ZFAND3: variants seen among roughly 807,000 people sequenced by gnomAD.
ZFAND3 encodes the protein zinc finger AN1-type containing 3.
ZFAND3 carries 10 observed loss-of-function variants against 29.6 expected under a neutral mutation model. The ratio of observed to expected loss-of-function variants is 0.34; its 90% CI spans 0.21 to 0.57. ZFAND3 has a LOEUF of 0.57. Among genes scored for constraint, ZFAND3 ranks in the 20% least tolerant of loss-of-function variants. The pLI is 0.86. For synonymous variants in ZFAND3, 128 were observed against 112.6 expected, an observed-to-expected ratio of 1.14 and a Z score of -0.87; for missense variants, 230 against 304.5, an observed-to-expected ratio of 0.76 and a Z score of 1.82.
chr6:37,826,823 T>G (rs1763769362), intron 1 of ZFAND3, among the ~76,000 whole-genome samples: 2 of 152,176 alleles, frequency 1.3e-5, no homozygotes, highest in Admixed American at 6.5e-5. Context: ...CCCAGTATGG[T>G]GGCCATTAGC....
chr6:37,923,924 T>C (rs1024078338), intron 1 of ZFAND3, among the ~76,000 whole-genome samples: 1 of 152,202 alleles, frequency 6.6e-6, no homozygotes. Context: ...TATAGATATC[T>C]ATCTAAAAAA....
At chr6:37,837,517 T>G (rs1458088423) in intron 1 of ZFAND3, among the ~76,000 whole-genome samples, 1 of 151,962 alleles carries the variant, frequency 6.6e-6, no homozygotes, top group Non-Finnish European at 1.5e-5. Flanking sequence ...TTTTTTTTTT[T>G]TTTTGAGATA....
chr6:38,062,081 G>A (rs768696685), intron 3 of ZFAND3, among the ~76,000 whole-genome samples: 18 of 152,244 alleles, frequency 1.2e-4, no homozygotes, highest in Admixed American at 1.0e-3. Flanking sequence ...CCATTCCCTC[G>A]TTCTCATTTA....
At chr6:38,012,085 A>G (rs755154275) in intron 2 of ZFAND3, among the ~76,000 whole-genome samples, 8 of 152,300 alleles carry the variant, frequency 5.3e-5, no homozygotes, top group East Asian at 1.9e-4. Flanking sequence ...GTTATGTTAA[A>G]TGGTGGGGAT....
At chr6:37,841,513 TGGCTCTGTTGCCCAG>T (rs780443977) in intron 1 of ZFAND3, among the ~76,000 whole-genome samples, 10 of 152,238 alleles carry the variant, frequency 6.6e-5, no homozygotes, top group Non-Finnish European at 1.3e-4. Context: ...AGATGGAGCC[TGGCTCTGTTGCCCAG>T]GCTGGAGTGC....
At chr6:37,951,903 G>A (rs377160168) in intron 2 of ZFAND3, among the ~76,000 whole-genome samples, 7 of 152,174 alleles carry the variant, frequency 4.6e-5, no homozygotes, top group African/African-American at 1.4e-4. Flanking sequence ...AACACGAAGC[G>A]ATGTTGACTT....
At chr6:38,039,209 T>C (rs530939918) in intron 2 of ZFAND3, among the ~76,000 whole-genome samples, 2 of 152,318 alleles carry the variant, frequency 1.3e-5, no homozygotes, top group South Asian at 4.1e-4. Context: ...CCTCTTAAAA[T>C]CTGCTTCCTT....
At chr6:37,980,462 A>G (rs1000764415) in intron 2 of ZFAND3, among the ~76,000 whole-genome samples, 2 of 152,164 alleles carry the variant, frequency 1.3e-5, no homozygotes, top group South Asian at 2.1e-4. Flanking sequence ...CCTGGTAACC[A>G]TCAACTCATT....
intron 1 of ZFAND3, among the ~76,000 whole-genome samples, chr6:37,881,952 GC>G (rs1338205792): frequency 6.6e-6 from 1 of 152,132 alleles, no homozygotes; most frequent in African/African-American, 2.4e-5. Flanking sequence ...GGTCAGTGGT[GC>G]AGAGCTCAGC....
intron 2 of ZFAND3, among the ~76,000 whole-genome samples, chr6:38,020,336 A>G (rs769516331): frequency 5.3e-4 from 81 of 152,346 alleles, no homozygotes; most frequent in Non-Finnish European, 9.4e-4. Context: ...CATCATAGTG[A>G]TCGGAAAGAT....
chr6:37,999,402 T>C (rs1561961302), intron 2 of ZFAND3, among the ~76,000 whole-genome samples: 1 of 152,182 alleles, frequency 6.6e-6, no homozygotes, highest in Non-Finnish European at 1.5e-5. Flanking sequence ...TCTCTGTTCC[T>C]TAAGTGTGGG....
At chr6:38,126,382 C>A (rs1259794809) in intron 5 of ZFAND3, among the ~76,000 whole-genome samples, 1 of 152,198 alleles carries the variant, frequency 6.6e-6, no homozygotes, top group Non-Finnish European at 1.5e-5. Flanking sequence ...CTTGTGTGGA[C>A]ATGTGTTTTA....
chr6:38,148,670 A>G (rs1401097186), intron 5 of ZFAND3, among the ~76,000 whole-genome samples: 2 of 152,146 alleles, frequency 1.3e-5, no homozygotes, highest in African/African-American at 2.4e-5. Flanking sequence ...GTTTCTGGAA[A>G]CAGATCTGTG....
chr6:37,918,938 A>G (rs1028264392), intron 1 of ZFAND3, among the ~76,000 whole-genome samples: 2 of 141,492 alleles, frequency 1.4e-5, no homozygotes, highest in African/African-American at 2.7e-5. Flanking sequence ...TGTTTTCAAA[A>G]CATGAAAAAT....
chr6:37,906,328 C>G (rs1487481134), intron 1 of ZFAND3, among the ~76,000 whole-genome samples: 2 of 152,066 alleles, frequency 1.3e-5, no homozygotes, highest in Non-Finnish European at 2.9e-5. Flanking sequence ...GTTTTCAGGG[C>G]TTATCCGTGT....
At chr6:37,965,778 A>T (rs2127426393) in intron 2 of ZFAND3, among the ~76,000 whole-genome samples, 1 of 152,232 alleles carries the variant, frequency 6.6e-6, no homozygotes, top group East Asian at 1.9e-4. Context: ...ATAACTTTTT[A>T]AATTTGAGAC....
chr6:37,962,484 A>C (rs1281066676), intron 2 of ZFAND3, among the ~76,000 whole-genome samples: 3 of 152,224 alleles, frequency 2.0e-5, no homozygotes, highest in Non-Finnish European at 1.5e-5. Flanking sequence ...ATCCAAGTAC[A>C]TGTGAGAGGT....
chr6:37,906,130 C>G (rs1359735711), intron 1 of ZFAND3, among the ~76,000 whole-genome samples: 2 of 152,082 alleles, frequency 1.3e-5, no homozygotes, highest in Non-Finnish European at 2.9e-5. Flanking sequence ...GTTATGCAGT[C>G]ATCACTGTCT....
chr6:37,995,883 T>C (rs112968264), intron 2 of ZFAND3, among the ~76,000 whole-genome samples: 10,369 of 152,082 alleles, frequency 0.068, 426 homozygotes, highest in Non-Finnish European at 0.087. Context: ...TCCCAGCACT[T>C]TGGGAGGCCG....
Sources: gnomAD v4.1 joint callset for allele counts (sites outside exome capture counted in the v4.1 genomes callset) on GRCh38, gnomAD v4.1.1 for gene constraint, MANE v1.5 for transcripts, NCBI Gene and HGNC (gene_info 2026-07-23, HGNC 2026-07-21) for gene names.